KCNJ1: variants seen among roughly 807,000 people sequenced by gnomAD.
KCNJ1 encodes the protein ATP-sensitive inward rectifier potassium channel 1.
Under a neutral mutation model 21.9 loss-of-function variants are expected in KCNJ1, and 24 were observed. The ratio of observed to expected loss-of-function variants is 1.10; its 90% CI spans 0.79 to 1.54. The LOEUF (loss-of-function observed/expected upper bound fraction) is 1.54, where lower values mean the gene tolerates loss of function less well. Ranked by LOEUF, KCNJ1 falls within the 40% of genes most tolerant of loss-of-function variation. The pLI is 0.00. For missense variants in KCNJ1, 457 were observed against 455.4 expected (o/e 1.00, Z -0.03); for synonymous variants, 152 against 160.9 (o/e 0.94, Z 0.42).
At position 128,839,402 on chromosome 11, in the gene KCNJ1, G is replaced by A. The variant is rs762988627; in HGVS notation, c.842C>T (p.Thr281Ile). 158 of 1,614,062 alleles carry A rather than the reference G, an allele frequency of 9.8e-5. No individual in the cohort carries two copies. Among genetic ancestry groups the A allele is most frequent in the Non-Finnish European group, 1.3e-4 (153 of 1,180,040 alleles). The change falls in exon 3 of 3, where the codon ACA (threonine) becomes ATA (isoleucine). Residue 281 changes from threonine (T) to isoleucine (I), a missense_variant. Physicochemically the swap from Thr to Ile is moderately conservative, Grantham distance 89. Transcript: ENST00000392666. ...DFELVVFLDG[T>I]VESTSATCQV... is the part of the protein sequence containing the mutation. Reference sequence around the variant, plus strand: ...GCAGGTAGCACTGGTGGACTCCACTGTGCCATCTAAAAACACCACTAATTC... The same window carrying A: ...GCAGGTAGCACTGGTGGACTCCACTATGCCATCTAAAAACACCACTAATTC...
At chr11:128,852,778 T>G (rs1044810577) in intron 1 of KCNJ1, among the ~76,000 whole-genome samples, 5 of 152,202 alleles carry the variant, frequency 3.3e-5, no homozygotes, top group Non-Finnish European at 5.9e-5. Context: ...CTCCAGCAAA[T>G]GTCTTGAACT....
At chr11:128,858,994 G>A (rs1267696258) in intron 1 of KCNJ1, among the ~76,000 whole-genome samples, 2 of 152,194 alleles carry the variant, frequency 1.3e-5, no homozygotes, top group Non-Finnish European at 2.9e-5. Flanking sequence ...GTGATTGAAG[G>A]CACATAAGGG....
chr11:128,842,567 C>T (rs945031588), intron 2 of KCNJ1: 53 of 1,496,406 alleles, frequency 3.5e-5, no homozygotes, highest in Middle Eastern at 3.6e-4. Flanking sequence ...ATAGTGGAGT[C>T]GTGTGATTTA....
At chr11:128,845,998 G>A (rs942317184) in intron 2 of KCNJ1, among the ~76,000 whole-genome samples, 6 of 152,200 alleles carry the variant, frequency 3.9e-5, no homozygotes, top group Admixed American at 6.5e-5. Context: ...ACTGTGTTCT[G>A]TAGGCGTCTC....
intron 1 of KCNJ1, among the ~76,000 whole-genome samples, chr11:128,856,673 A>G (rs1943596807): frequency 6.6e-6 from 1 of 152,184 alleles, no homozygotes; most frequent in African/African-American, 2.4e-5. Flanking sequence ...AGCCCTGTCA[A>G]TGGCACACCC....
chr11:128,864,675 G>A (rs1943785493), intron 1 of KCNJ1, among the ~76,000 whole-genome samples: 1 of 152,050 alleles, frequency 6.6e-6, no homozygotes. Context: ...CTTGAATGTG[G>A]GAGGGTGAGT....
chr11:128,856,479 G>A (rs190106735), intron 1 of KCNJ1, among the ~76,000 whole-genome samples: 4 of 152,312 alleles, frequency 2.6e-5, no homozygotes, highest in East Asian at 1.9e-4. Context: ...AGAGAGGACC[G>A]CAGAAGAGGG....
chr11:128,855,643 T>C lies in KCNJ1; in HGVS notation c.-191-4753A>G, dbSNP rs867656986. Among the ~76,000 whole-genome samples, 5 of 152,340 alleles carry C rather than the reference T, an allele frequency of 3.3e-5. No individual in the cohort carries two copies. The South Asian group carries it at 8.3e-4, about 25-fold the overall frequency. On this transcript the variant is annotated intron_variant, in intron 1 of 2. Coordinates refer to ENST00000392666, the MANE Select transcript of KCNJ1 (RefSeq NM_153766.3). ...CCACTTGTTATCAGAGTGAGTTATT[T>C]GGCTTCTCTAAACCTGAACGTTCTC...
At position 128,839,735 on chromosome 11, in the gene KCNJ1, G is replaced by GC; in HGVS notation, c.508dup (p.Ala170GlyfsTer27). On this transcript the variant is annotated frameshift_variant, in exon 3 of 3. Transcript: ENST00000392666. LOFTEE classifies it high-confidence loss of function. ...GTTCTTGCTGAACGTAATGGTCTTG[G>GC]CACGTTTTTTGGGCCTGGAGATCTT... 1 of 1,613,762 alleles carries GC rather than the reference G, an allele frequency of 6.2e-7. No individual in the cohort carries two copies. The highest frequency in any genetic ancestry group is 8.5e-7 in the Non-Finnish European group (1 of 1,179,952).
chr11:128,861,407 C>A (rs1180985209), intron 1 of KCNJ1, among the ~76,000 whole-genome samples: 1 of 152,144 alleles, frequency 6.6e-6, no homozygotes, highest in Non-Finnish European at 1.5e-5. Flanking sequence ...GAGAAACATG[C>A]CGAGTGAGGA....
In KCNJ1 at chr11:128,865,859, A is replaced by G. The variant is rs568623089; in HGVS notation, c.-192+1314T>C. Among the ~76,000 whole-genome samples, 105 of 152,268 alleles carry G rather than the reference A, an allele frequency of 6.9e-4. 1 individual carries two copies. The highest frequency in any genetic ancestry group is 2.2e-3 in the African/African-American group (93 of 41,552). ...TGCTTGGCAATTACAAACTTCTTAT[A>G]TTAAAAAAAATCAGGCAAACCAAAA... On this transcript the variant is annotated intron_variant, in intron 1 of 2. Transcript: ENST00000392666.
intron 2 of KCNJ1, among the ~76,000 whole-genome samples, chr11:128,846,338 G>T (rs1943378704): frequency 6.6e-6 from 1 of 152,148 alleles, no homozygotes; most frequent in African/African-American, 2.4e-5. Context: ...CTAGAAAATA[G>T]TAATTATGCA....
rs565893144 is a variant in KCNJ1 at position 128,838,157 on chromosome 11, A to T, written c.*968T>A. 18 of 152,718 alleles carry T rather than the reference A, an allele frequency of 1.2e-4. No individual in the cohort carries two copies. The highest frequency in any genetic ancestry group is 4.1e-4 in the South Asian group (2 of 4,828). 9.5% of individuals were successfully genotyped at this position (152,718 alleles called of 1,614,324 possible). ...ATCTGAAGAAGACTTTCACAGTAAA[A>T]CTTTCCCCTCAAGGTCGAGCCTTCC... On this transcript the variant is annotated 3_prime_UTR_variant, in exon 3 of 3. Coordinates refer to ENST00000392666, the MANE Select transcript of KCNJ1 (RefSeq NM_153766.3).
At chr11:128,848,662 A>C (rs1284087802) in intron 2 of KCNJ1, among the ~76,000 whole-genome samples, 1 of 152,222 alleles carries the variant, frequency 6.6e-6, no homozygotes, top group Non-Finnish European at 1.5e-5. Context: ...TGTGAGGAAC[A>C]GTGACAAGGA....
chr11:128,838,044 T>C lies in KCNJ1; in HGVS notation c.*1081A>G, dbSNP rs183126773. ...GCACAGTTTCAGAAATTTACTATAT[T>C]AATCAACACACTGAAAACATTTTGA... On this transcript the variant is annotated 3_prime_UTR_variant, in exon 3 of 3. Coordinates refer to ENST00000392666, the MANE Select transcript of KCNJ1 (RefSeq NM_153766.3). 137 of 152,608 alleles carry C rather than the reference T, an allele frequency of 9.0e-4. No individual in the cohort carries two copies. Among genetic ancestry groups the C allele is most frequent in the African/African-American group, 3.2e-3 (134 of 41,582 alleles). The allele number at this position is 152,608 out of a possible 1,614,324, so 9.5% of individuals were successfully genotyped here.
At chr11:128,864,496 G>A (rs766723112) in intron 1 of KCNJ1, among the ~76,000 whole-genome samples, 6 of 152,006 alleles carry the variant, frequency 3.9e-5, no homozygotes, top group Non-Finnish European at 7.4e-5. Context: ...TGCACACCCT[G>A]CTTGTTCATG....
intron 1 of KCNJ1, among the ~76,000 whole-genome samples, chr11:128,856,466 C>G (rs1943592849): frequency 6.6e-6 from 1 of 152,186 alleles, no homozygotes; most frequent in Admixed American, 6.5e-5. Context: ...GAGTGCAGGG[C>G]AGAGAGAGGA....
At chr11:128,853,719 C>T (rs1943520931) in intron 1 of KCNJ1, among the ~76,000 whole-genome samples, 1 of 152,210 alleles carries the variant, frequency 6.6e-6, no homozygotes. Context: ...TCACACAGTA[C>T]AGTCGCGACC....
chr11:128,865,488 T>A (rs1479131700), intron 1 of KCNJ1, among the ~76,000 whole-genome samples: 1 of 151,988 alleles, frequency 6.6e-6, no homozygotes, highest in African/African-American at 2.4e-5. Flanking sequence ...GTATGTATAA[T>A]AATAATAGTC....
Sources: allele counts gnomAD v4.1 joint callset (sites outside exome capture counted in the v4.1 genomes callset), GRCh38; gene constraint gnomAD v4.1.1; transcripts MANE v1.5; gene names NCBI Gene and HGNC (gene_info 2026-07-23, HGNC 2026-07-21).